Variants in NBPF8 observed in about 807,000 individuals in gnomAD.
NBPF8 encodes the protein NBPF member 8, also known as NBPF family member NBPF8.
intron 1 of NBPF8, among the ~76,000 whole-genome samples, chr1:120,422,131 A>G (rs1660594409): frequency 6.6e-6 from 1 of 152,274 alleles, no homozygotes; most frequent in East Asian, 1.9e-4. Context: ...TGGATAGTAC[A>G]GAGAGTTCTC....
chr1:120,454,904 AG>A (rs1661394409), intron 15 of NBPF8, among the ~76,000 whole-genome samples: 1 of 145,762 alleles, frequency 6.9e-6, no homozygotes, highest in Admixed American at 6.9e-5. Flanking sequence ...TAGTAGAGAC[AG>A]GGTTTCCCCA....
chr1:120,460,107 C>T (rs1263021222), intron 17 of NBPF8, among the ~76,000 whole-genome samples: 1 of 152,146 alleles, frequency 6.6e-6, no homozygotes, highest in Non-Finnish European at 1.5e-5. Flanking sequence ...CCACAAAAGC[C>T]ATAATAGCTG....
upstream of NBPF8, among the ~76,000 whole-genome samples, chr1:120,419,517 A>T (rs1698690): frequency 5.3e-5 from 8 of 152,092 alleles, no homozygotes; most frequent in African/African-American, 1.7e-4. Context: ...GCTGGAGTTC[A>T]GTGGTGCCAT....
At chr1:120,450,402 T>G (rs1270030181) in intron 11 of NBPF8, among the ~76,000 whole-genome samples, 1 of 151,842 alleles carries the variant, frequency 6.6e-6, no homozygotes, top group Non-Finnish European at 1.5e-5. Context: ...CGTGGGCCTG[T>G]CTCCTGGGAT....
upstream of NBPF8, among the ~76,000 whole-genome samples, chr1:120,431,707 A>G (rs1660885991): frequency 6.6e-6 from 1 of 151,638 alleles, no homozygotes; most frequent in African/African-American, 2.4e-5. Flanking sequence ...TCCTTTGAAA[A>G]TCTAACAGTT....
At chr1:120,456,840 T>G (rs1377253243) in intron 16 of NBPF8, among the ~76,000 whole-genome samples, 1 of 152,046 alleles carries the variant, frequency 6.6e-6, no homozygotes, top group Non-Finnish European at 1.5e-5. Context: ...CGTTAGTTGA[T>G]GCAATTTCTT....
chr1:120,433,034 G>T (rs1660928787), upstream of NBPF8: 1 of 152,158 alleles, frequency 6.6e-6, no homozygotes, highest in Non-Finnish European at 1.5e-5. Flanking sequence ...AATGAAGCAG[G>T]TACAAGGCCC....
At chr1:120,454,213 A>C in intron 15 of NBPF8, 99 bp downstream of exon 13, 1 of 1,502,396 alleles carries the variant, frequency 6.7e-7, no homozygotes, top group East Asian at 2.3e-5. Context: ...TGAATAAAAA[A>C]CTGTGATGGG....
At chr1:120,464,542 G>T (rs1321605819) in exon 23 of NBPF8, 11 of 793,594 alleles carry the variant, frequency 1.4e-5, no homozygotes, top group Non-Finnish European at 2.3e-5. Flanking sequence ...TTCTCTTGAC[G>T]TGGGAGGTGA....
upstream of NBPF8, among the ~76,000 whole-genome samples, chr1:120,435,240 A>G (rs1200790124): frequency 1.3e-5 from 1 of 75,028 alleles, no homozygotes; most frequent in Non-Finnish European, 2.5e-5. Flanking sequence ...TACATCTTTC[A>G]TAGAAATGTA....
At chr1:120,450,804 C>A (rs1384672320) in intron 11 of NBPF8, among the ~76,000 whole-genome samples, 2 of 152,078 alleles carry the variant, frequency 1.3e-5, no homozygotes, top group Admixed American at 6.6e-5. Flanking sequence ...GGGGCCTTCC[C>A]GACTGTACAA....
upstream of NBPF8, among the ~76,000 whole-genome samples, chr1:120,415,881 A>G (rs1553245118): frequency 6.6e-5 from 10 of 152,054 alleles, no homozygotes; most frequent in Non-Finnish European, 1.3e-4. Context: ...ATTTCCCTGT[A>G]TCTGTCTTTC....
At chr1:120,422,528 T>C (rs1660603808) in intron 1 of NBPF8, among the ~76,000 whole-genome samples, 1 of 111,590 alleles carries the variant, frequency 9.0e-6, no homozygotes, top group Non-Finnish European at 1.8e-5. Context: ...ATTGTGTACT[T>C]TTAAGTTCCT....
chr1:120,469,429 G>A (rs1661852318), downstream of NBPF8, among the ~76,000 whole-genome samples: 1 of 136,088 alleles, frequency 7.3e-6, no homozygotes, highest in Admixed American at 7.6e-5. Context: ...AGACTCTCTG[G>A]AACACAACCA....
intron 3 of NBPF8, among the ~76,000 whole-genome samples, chr1:120,428,137 G>A (rs1257544895): frequency 0.031 from 4,750 of 151,930 alleles, 175 homozygotes; most frequent in East Asian, 0.13. Flanking sequence ...TTTATAATAT[G>A]CAAATTTGTT....
rs1256412643 is a variant in NBPF8 at position 120,456,585 on chromosome 1, C to G, written n.2620+1125C>G. Among the ~76,000 whole-genome samples, 108 of 130,560 alleles carry G rather than the reference C, an allele frequency of 8.3e-4. 2 individuals are homozygous for G. Among genetic ancestry groups the G allele is most frequent in the Non-Finnish European group, 1.1e-3 (67 of 62,998 alleles). 85.7% of individuals were successfully genotyped at this position (130,560 alleles called of 152,430 possible). A position where few individuals can be genotyped will look rare whatever the true frequency, so the allele number is the denominator to read the frequency against. On this transcript the variant is annotated intron_variant and non_coding_transcript_variant, in intron 16 of 24. Coordinates refer to ENST00000583271, the Ensembl canonical transcript of NBPF8. ...GTTTTATCAGAGACTAGGATTGCAA[C>G]CCCTGCCTTTTTTTGTTTTCCATTT...
intron 1 of NBPF8, among the ~76,000 whole-genome samples, chr1:120,425,365 A>G (rs1322750875): frequency 6.6e-6 from 1 of 152,098 alleles, no homozygotes; most frequent in Non-Finnish European, 1.5e-5. Flanking sequence ...TGGCAGCAAT[A>G]CTGCTCTTTA....
At chr1:120,464,031 T>C (rs1158501632) in intron 22 of NBPF8, among the ~76,000 whole-genome samples, 56 of 42,252 alleles carry the variant, frequency 1.3e-3, no homozygotes, top group Non-Finnish European at 2.1e-3. Context: ...ATGATCCCTG[T>C]ATGCTGTGTG....
chr1:120,415,840 G>T (rs2101359221), upstream of NBPF8, among the ~76,000 whole-genome samples: 1 of 152,268 alleles, frequency 6.6e-6, no homozygotes, highest in Admixed American at 6.5e-5. Context: ...GGATTGTGGG[G>T]TTGGTGTTTG....
Sources: gnomAD v4.1 joint callset for allele counts (sites outside exome capture counted in the v4.1 genomes callset) on GRCh38, gnomAD v4.1.1 for gene constraint, MANE v1.5 for transcripts, NCBI Gene and HGNC (gene_info 2026-07-23, HGNC 2026-07-21) for gene names.